The following TSHR variants were observed in gnomAD, a reference collection of about 807,000 sequenced individuals.
The protein encoded by TSHR is thyroid stimulating hormone receptor.
Under a neutral mutation model 64.1 loss-of-function variants are expected in TSHR, and 51 were observed. That is an observed-to-expected ratio of 0.80 (90% CI 0.64 to 1.01). The LOEUF (loss-of-function observed/expected upper bound fraction) is 1.01, where lower values mean the gene tolerates loss of function less well. Among genes scored for constraint, TSHR ranks in the 50% least tolerant of loss-of-function variants. The probability of loss-of-function intolerance (pLI) is 0.00; values close to 1 mark genes in which losing one functional copy is unlikely to be tolerated. For missense variants in TSHR, 877 were observed against 942.8 expected, an observed-to-expected ratio of 0.93 and a Z score of 0.91; for synonymous variants, 361 against 361.9, an observed-to-expected ratio of 1.00 and a Z score of 0.03.
chr14:81,106,779 T>C (rs1264531677), intron 7 of TSHR, among the ~76,000 whole-genome samples: 1 of 151,974 alleles, frequency 6.6e-6, no homozygotes, highest in African/African-American at 2.4e-5. Flanking sequence ...ACCCTGTCTC[T>C]ACTAAAAATA....
At chr14:81,112,606 C>T (rs1890273023) in intron 8 of TSHR, among the ~76,000 whole-genome samples, 7 of 152,150 alleles carry the variant, frequency 4.6e-5, no homozygotes. Context: ...CTCTCCCTAG[C>T]CAGCCTTTGA....
chr14:81,009,586 A>G (rs778255272), intron 1 of TSHR, among the ~76,000 whole-genome samples: 11 of 152,198 alleles, frequency 7.2e-5, no homozygotes, highest in Non-Finnish European at 1.5e-4. Flanking sequence ...CACAAATGCC[A>G]TAGGACTGTG....
At chr14:81,094,987 C>G (rs1400977876) in intron 6 of TSHR, among the ~76,000 whole-genome samples, 1 of 152,140 alleles carries the variant, frequency 6.6e-6, no homozygotes, top group Non-Finnish European at 1.5e-5. Flanking sequence ...GATCATCCAG[C>G]TATTAAGTGG....
At chr14:81,114,461 G>A (rs1196419480) in intron 8 of TSHR, among the ~76,000 whole-genome samples, 2 of 152,306 alleles carry the variant, frequency 1.3e-5, no homozygotes, top group East Asian at 1.9e-4. Context: ...CGAATACTGC[G>A]CTTTTCCGAC....
chr14:81,031,206 A>T (rs1884329347), intron 1 of TSHR, among the ~76,000 whole-genome samples: 1 of 152,206 alleles, frequency 6.6e-6, no homozygotes, highest in Non-Finnish European at 1.5e-5. Context: ...ACACAGCATT[A>T]TGCTTAGAAA....
At chr14:81,105,325 C>G (rs1223459334) in intron 7 of TSHR, 2 of 751,198 alleles carry the variant, frequency 2.7e-6, no homozygotes, top group Non-Finnish European at 3.2e-6. Flanking sequence ...CCCCTCCCCA[C>G]TGTCTTGACT....
At chr14:80,988,453 G>A (rs374430084) in intron 1 of TSHR, among the ~76,000 whole-genome samples, 40 of 151,888 alleles carry the variant, frequency 2.6e-4, no homozygotes, top group African/African-American at 7.5e-4. Context: ...AGAACAGCAC[G>A]GCAGGGGAGA....
chr14:80,984,450 G>C (rs560591257), intron 1 of TSHR, among the ~76,000 whole-genome samples: 4 of 152,064 alleles, frequency 2.6e-5, no homozygotes, highest in Non-Finnish European at 5.9e-5. Flanking sequence ...CTAGGTACTC[G>C]TGTTTTTATT....
Position 81,134,573 on chromosome 14 carries a change from A to T in TSHR, c.693-5106A>T, listed in dbSNP as rs2140093629. Among the ~76,000 whole-genome samples the T allele has an allele frequency of 2.0e-5, 3 of 152,350 alleles. No individual in the cohort carries two copies. The Middle Eastern group carries it at 0.01, about 518-fold the overall frequency. On this transcript the variant is annotated intron_variant, in intron 8 of 9. Coordinates refer to ENST00000298171, the MANE Select transcript of TSHR (RefSeq NM_000369.5). ...GTACCAAAAATACGGCAATAAACAG[A>T]ACAGGCAGTATTTCAGCTCTCATGA...
At chr14:81,056,322 T>C (rs940758273) in intron 1 of TSHR, among the ~76,000 whole-genome samples, 22 of 152,188 alleles carry the variant, frequency 1.4e-4, no homozygotes, top group African/African-American at 5.3e-4. Flanking sequence ...CTAATACAAT[T>C]CCTGATTGGA....
chr14:81,108,525 T>C (rs774854699), intron 8 of TSHR, 73 bp downstream of exon 8: 25 of 1,069,014 alleles, frequency 2.3e-5, no homozygotes, highest in Admixed American at 1.9e-4. Flanking sequence ...ATGGAGACAT[T>C]AAGGGGAGAA....
intron 1 of TSHR, chr14:80,982,765 C>T: frequency 1.6e-6 from 1 of 625,894 alleles, no homozygotes; most frequent in Non-Finnish European, 2.7e-6. Context: ...CTATTCTTTG[C>T]CTGTGGCAAC....
chr14:81,037,629 T>C (rs1406994050), intron 1 of TSHR, among the ~76,000 whole-genome samples: 1 of 151,932 alleles, frequency 6.6e-6, no homozygotes, highest in Non-Finnish European at 1.5e-5. Context: ...ACACGTAGAC[T>C]GAAAGCGAAG....
chr14:80,965,915 A>T (rs1370890448), intron 1 of TSHR, among the ~76,000 whole-genome samples: 1 of 152,234 alleles, frequency 6.6e-6, no homozygotes, highest in Admixed American at 6.5e-5. Context: ...CACTGAAAAG[A>T]CTGCCATCAG....
At chr14:81,020,494 T>C (rs1417451025) in intron 1 of TSHR, among the ~76,000 whole-genome samples, 1 of 152,206 alleles carries the variant, frequency 6.6e-6, no homozygotes, top group Non-Finnish European at 1.5e-5. Context: ...GAACTGCACA[T>C]GCGAGGGACC....
intron 1 of TSHR, among the ~76,000 whole-genome samples, chr14:81,037,753 C>T (rs2888047): frequency 6.6e-6 from 1 of 151,828 alleles, no homozygotes; most frequent in African/African-American, 2.4e-5. Flanking sequence ...TAAATCTATA[C>T]TAAAGGGGTC....
In TSHR at chr14:80,995,511, G is replaced by A. The variant is rs572539377; in HGVS notation, c.170+39661G>A. On this transcript the variant is annotated intron_variant, in intron 1 of 9. Coordinates refer to ENST00000298171, the MANE Select transcript of TSHR (RefSeq NM_000369.5). ...ACTATGCAGCCATAAAAAAGAATGA[G>A]ATCATGTTCTTTGCAGGGACATGGA... is the stretch of plus-strand genomic sequence containing the variant. 3 of 152,292 alleles carry A rather than the reference G, an allele frequency of 2.0e-5. No homozygotes were observed. The South Asian group carries it at 6.2e-4, about 32-fold the overall frequency. The allele number at this position is 152,292 out of a possible 1,614,324, so 9.4% of individuals were successfully genotyped here.
chr14:81,063,051 G>A (rs1180275148), intron 2 of TSHR, among the ~76,000 whole-genome samples: 4 of 152,098 alleles, frequency 2.6e-5, no homozygotes, highest in Non-Finnish European at 5.9e-5. Context: ...GGTTGCTGCC[G>A]AACATTCTAC....
intron 3 of TSHR, among the ~76,000 whole-genome samples, chr14:81,086,877 T>C (rs1403864853): frequency 6.6e-6 from 1 of 152,138 alleles, no homozygotes; most frequent in Non-Finnish European, 1.5e-5. Context: ...ATAAGGCAAA[T>C]TTATAAAGAA....
Sources: allele counts gnomAD v4.1 joint callset (sites outside exome capture counted in the v4.1 genomes callset), GRCh38; gene constraint gnomAD v4.1.1; transcripts MANE v1.5; gene names NCBI Gene and HGNC (gene_info 2026-07-23, HGNC 2026-07-21).